SLC39A10: variants seen among roughly 807,000 people sequenced by gnomAD.
SLC39A10 encodes the protein solute carrier family 39 member 10, also known as zinc transporter ZIP10.
In SLC39A10, 13 loss-of-function variants were observed where a neutral mutation model predicts 65.1. The ratio of observed to expected loss-of-function variants is 0.20; its 90% CI spans 0.13 to 0.32. The LOEUF (loss-of-function observed/expected upper bound fraction) is 0.32, where lower values mean the gene tolerates loss of function less well. SLC39A10 is among the 10% of genes least tolerant of loss of function. The probability of loss-of-function intolerance (pLI) is 1.00; values close to 1 mark genes in which losing one functional copy is unlikely to be tolerated. For synonymous variants in SLC39A10, 321 were observed against 342.2 expected, an observed-to-expected ratio of 0.94 and a Z score of 0.68; for missense variants, 831 against 1,018.4, an observed-to-expected ratio of 0.82 and a Z score of 2.50.
Position 195,632,290 on chromosome 2 carries a change from C to CTTTTTTT in SLC39A10, c.-12+26078_-12+26084dup, listed in dbSNP as rs202193660. ...AGGTCACCAGCTCTCATTCTACTTC[C>CTTTTTTT]TTTTTTTTTTTTTTTTTTTTTTTTT... On this transcript the variant is annotated intron_variant, in intron 2 of 2. Transcript: ENST00000458054. 3.8e-4 allele frequency among the ~76,000 whole-genome samples: 26 copies of CTTTTTTT among 69,254 alleles called. 5 individuals are homozygous for CTTTTTTT. Among genetic ancestry groups the CTTTTTTT allele is most frequent in the African/African-American group, 1.4e-3 (23 of 15,970 alleles). The allele number at this position is 69,254 out of a possible 152,430, so 45.4% of individuals were successfully genotyped here. A position where few individuals can be genotyped will look rare whatever the true frequency, so the allele number is the denominator to read the frequency against.
intron 8 of SLC39A10, among the ~76,000 whole-genome samples, chr2:195,724,902 A>T (rs1692180385): frequency 6.6e-6 from 1 of 152,152 alleles, no homozygotes; most frequent in South Asian, 2.1e-4. Context: ...AAGCCACCGT[A>T]ATCAAAACAG....
At chr2:195,692,579 T>C (rs1390402792) in intron 3 of SLC39A10, among the ~76,000 whole-genome samples, 1 of 152,150 alleles carries the variant, frequency 6.6e-6, no homozygotes, top group Non-Finnish European at 1.5e-5. Context: ...TTTGGTATAT[T>C]CCTAAGTTAT....
intron 2 of SLC39A10, among the ~76,000 whole-genome samples, chr2:195,619,098 A>G (rs1221220231): frequency 2.1e-5 from 3 of 143,742 alleles, no homozygotes; most frequent in African/African-American, 8.3e-5. Flanking sequence ...GTCTCAAAAA[A>G]AAAAAAAAAA....
rs150768490 is a variant in SLC39A10 at position 195,687,495 on chromosome 2, C to A, written c.1216+3589C>A. ...TACTGAAAGTTACAGCTTATTCAAT[C>A]TGAAAAGCCTTAGAGGAAATTGTAC... On this transcript the variant is annotated intron_variant, in intron 3 of 9. Transcript: ENST00000359634. 7.2e-5 allele frequency among the ~76,000 whole-genome samples: 11 copies of A among 152,208 alleles called. 1 individual carries two copies. In the East Asian group the frequency reaches 2.1e-3, roughly 29 times the overall value.
In SLC39A10 at chr2:195,737,091, A is replaced by G. The variant is rs1016278971; in HGVS notation, c.*2050A>G. The G allele has an allele frequency of 1.2e-4, 18 of 152,646 alleles. No homozygotes were observed. The highest frequency in any genetic ancestry group is 3.8e-4 in the African/African-American group (16 of 41,576). 9.5% of individuals were successfully genotyped at this position (152,646 alleles called of 1,614,324 possible). ...ATGCTGAAGTATATAAAGAAGTTTT[A>G]TATTCTCTCAAAAATGGTATTATCT... On this transcript the variant is annotated 3_prime_UTR_variant, in exon 10 of 10. Transcript: ENST00000359634.
intron 1 of SLC39A10, among the ~76,000 whole-genome samples, chr2:195,662,026 G>A (rs900621786): frequency 1.3e-5 from 2 of 152,074 alleles, no homozygotes; most frequent in Non-Finnish European, 2.9e-5. Flanking sequence ...AAGATTTTTA[G>A]GGATTAGAAA....
chr2:195,650,521 TC>T (rs1249838071), intron 2 of SLC39A10, among the ~76,000 whole-genome samples: 1 of 152,084 alleles, frequency 6.6e-6, no homozygotes, highest in Non-Finnish European at 1.5e-5. Context: ...TTGTCTGTCT[TC>T]CAGGAGAGAT....
chr2:195,625,898 C>T (rs1019362142), intron 2 of SLC39A10, among the ~76,000 whole-genome samples: 17 of 152,148 alleles, frequency 1.1e-4, no homozygotes, highest in African/African-American at 1.2e-4. Flanking sequence ...AATTCTCCCA[C>T]GTTAGCCTCC....
At chr2:195,717,886 A>G (rs1022669509) in intron 7 of SLC39A10, among the ~76,000 whole-genome samples, 1 of 152,308 alleles carries the variant, frequency 6.6e-6, no homozygotes. Context: ...AAATCCCTAT[A>G]AAGATCAATG....
intron 1 of SLC39A10, among the ~76,000 whole-genome samples, chr2:195,668,536 A>G (rs1189538069): frequency 6.6e-6 from 1 of 152,240 alleles, no homozygotes; most frequent in Non-Finnish European, 1.5e-5. Flanking sequence ...CCCCATCATT[A>G]TTAGCATATT....
At chr2:195,644,286 C>T (rs1688865740) in intron 2 of SLC39A10, among the ~76,000 whole-genome samples, 1 of 150,788 alleles carries the variant, frequency 6.6e-6, no homozygotes, top group African/African-American at 2.4e-5. Context: ...TGCTTGAGCT[C>T]AGGAGTTCAG....
intron 9 of SLC39A10, among the ~76,000 whole-genome samples, chr2:195,732,727 G>A (rs1692467468): frequency 6.6e-6 from 1 of 152,218 alleles, no homozygotes; most frequent in African/African-American, 2.4e-5. Flanking sequence ...TCAGTTTGAA[G>A]GGCCAGATAG....
chr2:195,669,327 A>G (rs1689757942), intron 1 of SLC39A10, among the ~76,000 whole-genome samples: 1 of 152,150 alleles, frequency 6.6e-6, no homozygotes, highest in Non-Finnish European at 1.5e-5. Context: ...TTCTGGTTTC[A>G]AGATACACAA....
intron 3 of SLC39A10, among the ~76,000 whole-genome samples, chr2:195,694,883 C>A (rs549997545): frequency 6.6e-6 from 1 of 152,120 alleles, no homozygotes; most frequent in Non-Finnish European, 1.5e-5. Context: ...TGTCCTTCCT[C>A]GGTCATGAAG....
At chr2:195,697,154 C>G (rs72913237) in intron 3 of SLC39A10, among the ~76,000 whole-genome samples, 12,800 of 152,072 alleles carry the variant, frequency 0.084, 582 homozygotes, top group African/African-American at 0.1. Context: ...TGGATCCTCG[C>G]AGTTCAAACC....
chr2:195,725,953 T>A (rs1692221477), intron 8 of SLC39A10, among the ~76,000 whole-genome samples: 1 of 152,176 alleles, frequency 6.6e-6, no homozygotes, highest in Non-Finnish European at 1.5e-5. Flanking sequence ...GCAAGTGGCC[T>A]AAAAAAATTT....
chr2:195,694,050 T>C (rs1156231015), intron 3 of SLC39A10, among the ~76,000 whole-genome samples: 1 of 152,216 alleles, frequency 6.6e-6, no homozygotes, highest in African/African-American at 2.4e-5. Flanking sequence ...TTGATTTCAT[T>C]GTTGACACAA....
At chr2:195,712,152 TCTTAATG>T (rs914712987) in intron 5 of SLC39A10, among the ~76,000 whole-genome samples, 12 of 152,274 alleles carry the variant, frequency 7.9e-5, no homozygotes, top group Admixed American at 5.2e-4. Context: ...CCTGTCTGCA[TCTTAATG>T]CTTCTCCACA....
At chr2:195,683,648 A>G in intron 2 of SLC39A10, 51 bp from the exon 3 acceptor site, 1 of 1,408,588 alleles carries the variant, frequency 7.1e-7, no homozygotes, top group African/African-American at 1.4e-5. Context: ...TTTTTTGCAT[A>G]ATCTCCTTAA....
Sources: gnomAD v4.1 joint callset for allele counts (sites outside exome capture counted in the v4.1 genomes callset) on GRCh38, gnomAD v4.1.1 for gene constraint, MANE v1.5 for transcripts, NCBI Gene and HGNC (gene_info 2026-07-23, HGNC 2026-07-21) for gene names.